ARHGEF18: variants seen among roughly 807,000 people sequenced by gnomAD.
ARHGEF18 encodes Rho/Rac guanine nucleotide exchange factor 18.
ARHGEF18 carries 93 observed loss-of-function variants against 155.7 expected under a neutral mutation model. The ratio of observed to expected loss-of-function variants is 0.60; its 90% CI spans 0.50 to 0.71. The LOEUF is 0.71. Ranked by LOEUF, ARHGEF18 falls within the 30% of genes least tolerant of loss-of-function variation. ARHGEF18 has a pLI of 0.00. For synonymous variants in ARHGEF18, 742 were observed against 753.1 expected (o/e 0.99, Z 0.24); for missense variants, 1,593 against 1,816.1 (o/e 0.88, Z 2.23).
chr19:7,354,134 C>A (rs1969225076), intron 1 of ARHGEF18, among the ~76,000 whole-genome samples: 1 of 151,274 alleles, frequency 6.6e-6, no homozygotes, highest in African/African-American at 2.4e-5. Flanking sequence ...ACATAGAAGA[C>A]CCCATCCCTA....
Position 7,451,240 on chromosome 19 carries a change from T to G in ARHGEF18, c.1829T>G (p.Val610Gly). The G allele has an allele frequency of 6.2e-7, 1 of 1,611,066 alleles. No homozygotes were observed. Residue 610 changes from valine to glycine, a missense_variant, in exon 16 of 29, where the codon GTG becomes GGG. Physicochemically the swap from Val to Gly is moderately radical, Grantham distance 109. Transcript: ENST00000668164. ...TQRITKYPVL[V>G]ERIIQNTEAG... is the part of the protein sequence containing the mutation. ...CGCATAACCAAATACCCAGTGCTGGTGGAGCGCATCATCCAGAACACGGAA... is the reference window on the plus strand; with the variant it reads ...CGCATAACCAAATACCCAGTGCTGGGGGAGCGCATCATCCAGAACACGGAA...
chr19:7,349,851 C>G (rs1969115020), intron 1 of ARHGEF18, among the ~76,000 whole-genome samples: 1 of 152,148 alleles, frequency 6.6e-6, no homozygotes, highest in Admixed American at 6.5e-5. Context: ...GGGGCAAAGG[C>G]TCAGGTGCCC....
chr19:7,363,152 G>T (rs1969701526), intron 2 of ARHGEF18, among the ~76,000 whole-genome samples: 2 of 151,830 alleles, frequency 1.3e-5, no homozygotes, highest in Non-Finnish European at 2.9e-5. Context: ...GGATGGGTGG[G>T]TGGGTGTCTG....
chr19:7,406,466 T>C (rs77659878), intron 10 of ARHGEF18, among the ~76,000 whole-genome samples: 1,608 of 152,284 alleles, frequency 0.011, 20 homozygotes, highest in African/African-American at 0.025. Flanking sequence ...GAATCTGATA[T>C]TACAGTCTGT....
At chr19:7,350,763 GGTGGGT>G (rs1341148820) in intron 1 of ARHGEF18, among the ~76,000 whole-genome samples, 26,923 of 132,874 alleles carry the variant, frequency 0.2, 2,944 homozygotes, top group Middle Eastern at 0.25. Context: ...AGTTTTTTGG[GGTGGGT>G]GTGTGTGTGT....
intron 7 of ARHGEF18, among the ~76,000 whole-genome samples, chr19:7,380,605 G>GC (rs1437779553): frequency 1.3e-5 from 2 of 151,904 alleles, no homozygotes; most frequent in Non-Finnish European, 2.9e-5. Flanking sequence ...GATTGCTCAA[G>GC]CCCCGGAGGT....
At chr19:7,421,279 C>T (rs375223379) in intron 10 of ARHGEF18, among the ~76,000 whole-genome samples, 20 of 152,262 alleles carry the variant, frequency 1.3e-4, no homozygotes, top group African/African-American at 3.6e-4. Context: ...TACACACAGA[C>T]GTTTTTCAGT....
In ARHGEF18 at chr19:7,466,836, A is replaced by AAAGG. The variant is rs112677825; in HGVS notation, c.2905-79_2905-78insGAAG. The AAAGG allele has an allele frequency of 5.1e-3, 5,602 of 1,094,554 alleles. 190 individuals carry two copies. In the African/African-American group the frequency reaches 0.069, roughly 13 times the overall value. The allele number at this position is 1,094,554 out of a possible 1,614,324, so 67.8% of individuals were successfully genotyped here. On this transcript the variant is annotated intron_variant, in intron 23 of 28. Transcript: ENST00000668164. Reference sequence around the variant, plus strand: ...AAAAAAAAAAAAAAAAGTTAAAAAAAAAGAAGAAGAAGAAGAAGGCTTGAG... The same window carrying AAAGG: ...AAAAAAAAAAAAAAAAGTTAAAAAAAAAGGAAGAAGAAGAAGAAGAAGGCTTGAG...
rs1222088810 is a variant in ARHGEF18 at position 7,451,773 on chromosome 19, G to A, written c.1855+507G>A. ...GTCTTGCTGTGTCCCTCAGGCTGGA[G>A]TACAGTGGCACGATCTCGGCTCACT... On this transcript the variant is annotated intron_variant, in intron 16 of 28. Transcript: ENST00000668164. 2.6e-5 allele frequency among the ~76,000 whole-genome samples: 4 copies of A among 151,624 alleles called. No homozygotes were observed. The East Asian group carries it at 5.8e-4, about 22-fold the overall frequency.
rs1261490364 is a variant in ARHGEF18, at chr19:7,444,649, T to G, written c.1611+195T>G. ...CCTCAGCCTCCCAAGTAGCTGGGAC[T>G]ACAGCTATGCGCCACCATACCCGGC... On this transcript the variant is annotated intron_variant, in intron 14 of 28. Coordinates refer to ENST00000668164, the MANE Select transcript of ARHGEF18 (RefSeq NM_001367823.1). This position sits in a 1 kb window ranked among gnomAD's most constrained non-coding sequence, Gnocchi z 4.7. Among the ~76,000 whole-genome samples the G allele has an allele frequency of 6.6e-6, 1 of 152,130 alleles. No homozygotes were observed. Among genetic ancestry groups the G allele is most frequent in the East Asian group, 1.9e-4 (1 of 5,198 alleles).
At chr19:7,362,698 C>A (rs965585782) in intron 1 of ARHGEF18, 83 bp from the exon 2 acceptor site, 50 of 1,197,020 alleles carry the variant, frequency 4.2e-5, no homozygotes, top group Middle Eastern at 2.1e-4. Flanking sequence ...CCAGGGTGAC[C>A]AGCAACAGAT....
chr19:7,466,845 G>GAAGAAGAAA, intron 23 of ARHGEF18, 73 bp from the exon 24 acceptor site: 9 of 726,698 alleles, frequency 1.2e-5, no homozygotes, highest in South Asian at 3.8e-5. Context: ...AAAAGAAGAA[G>GAAGAAGAAA]AAGAAGAAGG....
chr19:7,362,308 GGAA>G lies in ARHGEF18; in HGVS notation c.-110-465_-110-463del, dbSNP rs538873650. ...AGAGGAGGAGGAAGAAGGAGAAGGA[GGAA>G]GAAGAAGGAAGAAGGTGGAGGAGGA... On this transcript the variant is annotated intron_variant, in intron 1 of 28. Transcript: ENST00000668164. 2.9e-3 allele frequency among the ~76,000 whole-genome samples: 432 copies of G among 149,918 alleles called. 15 individuals carry two copies. Among genetic ancestry groups the G allele is most frequent in the African/African-American group, 0.01 (415 of 39,642 alleles).
At chr19:7,441,632 G>T in intron 11 of ARHGEF18, 21 bp from the exon 12 acceptor site, 1 of 1,594,278 alleles carries the variant, frequency 6.3e-7, no homozygotes, top group South Asian at 1.1e-5. Flanking sequence ...TAAAACAATT[G>T]TTTTTATTGT....
chr19:7,356,959 G>A (rs1969331562), intron 1 of ARHGEF18, among the ~76,000 whole-genome samples: 1 of 152,230 alleles, frequency 6.6e-6, no homozygotes, highest in Non-Finnish European at 1.5e-5. Flanking sequence ...GCAGATGGGA[G>A]TGCCAGGGGA....
At chr19:7,418,361 C>T (rs1973135181) in intron 10 of ARHGEF18, among the ~76,000 whole-genome samples, 1 of 152,134 alleles carries the variant, frequency 6.6e-6, no homozygotes, top group South Asian at 2.1e-4. Flanking sequence ...TGGGCGCAAG[C>T]GATCCTCCTG....
At chr19:7,362,081 A>G (rs1173292190) in intron 1 of ARHGEF18, among the ~76,000 whole-genome samples, 8 of 19,638 alleles carry the variant, frequency 4.1e-4, no homozygotes, top group East Asian at 1.3e-3. Flanking sequence ...GAGAAGGAGA[A>G]GGAGAAGGAG....
intron 10 of ARHGEF18, among the ~76,000 whole-genome samples, chr19:7,438,041 C>G (rs1485329333): frequency 3.5e-4 from 36 of 102,096 alleles, no homozygotes; most frequent in Non-Finnish European, 1.1e-4. Context: ...CTCTCCTCTT[C>G]TCTCCTCTCT....
At chr19:7,379,237 G>A in intron 7 of ARHGEF18, 71 bp downstream of exon 7, 1 of 1,202,498 alleles carries the variant, frequency 8.3e-7, no homozygotes, top group Non-Finnish European at 1.0e-6. Flanking sequence ...GCAGGGGTGT[G>A]CACAGGTGTA....
Sources: allele counts gnomAD v4.1 joint callset (sites outside exome capture counted in the v4.1 genomes callset), GRCh38; gene constraint gnomAD v4.1.1; non-coding constraint Gnocchi (gnomAD v3.1); transcripts MANE v1.5; gene names NCBI Gene and HGNC (gene_info 2026-07-23, HGNC 2026-07-21).